Variants in CCDC77 observed in about 807,000 individuals in gnomAD.
The protein encoded by CCDC77 is coiled-coil domain-containing protein 77.
In CCDC77, 56 loss-of-function variants were observed where a neutral mutation model predicts 66.8. The ratio of observed to expected loss-of-function variants is 0.84; its 90% CI spans 0.68 to 1.05. CCDC77 has a LOEUF of 1.05. Among genes scored for constraint, CCDC77 ranks in the 50% least tolerant of loss-of-function variants. The pLI, the probability that CCDC77 is intolerant of heterozygous loss-of-function variation, is 0.00. For synonymous variants in CCDC77, 196 were observed against 195.2 expected (o/e 1.00, Z -0.03); for missense variants, 570 against 576.8 (o/e 0.99, Z 0.12).
At chr12:391,634 C>G (rs1237897738) in intron 1 of CCDC77, among the ~76,000 whole-genome samples, 1 of 152,144 alleles carries the variant, frequency 6.6e-6, no homozygotes, top group East Asian at 1.9e-4. Flanking sequence ...GCGTGAGAAC[C>G]TGATAGAACC....
chr12:440,441 GACTGGTCTAGAAGTAGATTTTC>G (rs758204028), intron 10 of CCDC77, among the ~76,000 whole-genome samples, 154 bp from the exon 11 acceptor site: 10 of 152,316 alleles, frequency 6.6e-5, no homozygotes, highest in South Asian at 4.1e-4. Flanking sequence ...GGGCTTAAGA[GACTGGTCTAGAAGTAGATTTTC>G]AGATGTTCCT....
chr12:423,114 C>T (rs77465879), intron 5 of CCDC77, among the ~76,000 whole-genome samples: 1 of 74,572 alleles, frequency 1.3e-5, no homozygotes, highest in African/African-American at 5.4e-5. Flanking sequence ...TCTTTTAAGC[C>T]TTTTTTTTTT....
intron 5 of CCDC77, among the ~76,000 whole-genome samples, chr12:426,618 A>G (rs560931101): frequency 4.4e-4 from 67 of 152,268 alleles, no homozygotes; most frequent in African/African-American, 1.6e-3. Flanking sequence ...TAGTATGTCC[A>G]TTTTAAGCAT....
At chr12:427,565 C>A (rs954602439) in intron 5 of CCDC77, among the ~76,000 whole-genome samples, 19 of 151,074 alleles carry the variant, frequency 1.3e-4, no homozygotes, top group African/African-American at 4.4e-4. Flanking sequence ...AACTCCACCT[C>A]CCGGGTTCAA....
intron 1 of CCDC77, among the ~76,000 whole-genome samples, chr12:396,095 A>C (rs1239195235): frequency 2.6e-5 from 4 of 152,178 alleles, no homozygotes; most frequent in Non-Finnish European, 5.9e-5. Flanking sequence ...TGAAATTTAA[A>C]AAAGTCAATA....
intron 5 of CCDC77, among the ~76,000 whole-genome samples, chr12:424,286 A>G (rs776456295): frequency 2.0e-5 from 3 of 152,018 alleles, no homozygotes; most frequent in Non-Finnish European, 2.9e-5. Context: ...TTCATTATAT[A>G]TTCTGGATAT....
chr12:420,274 TAC>T (rs1945373046), intron 5 of CCDC77, among the ~76,000 whole-genome samples: 2 of 8,682 alleles, frequency 2.3e-4, no homozygotes, highest in Non-Finnish European at 3.2e-4. Context: ...AGAGGGTAAA[TAC>T]ACACATAGCA....
rs772460484 is a variant in CCDC77 at position 409,434 on chromosome 12, C to T, written c.38+13C>T. The T allele has an allele frequency of 6.2e-7, 1 of 1,612,142 alleles. No individual in the cohort carries two copies. The highest frequency in any genetic ancestry group is 8.5e-7 in the Non-Finnish European group (1 of 1,178,826). ...CTGTCTGCAGAAAGTAAGACATTTG[C>T]TTATTTTCAAGTTGTTAAGAAATCG... is the stretch of plus-strand genomic sequence containing the variant. On this transcript the variant is annotated intron_variant, in intron 3 of 12. Transcript: ENST00000239830.
Position 396,048 on chromosome 12 carries a change from T to C in CCDC77, c.-113+6562T>C, listed in dbSNP as rs576980451. 2.0e-5 allele frequency among the ~76,000 whole-genome samples: 3 copies of C among 152,170 alleles called. No individual in the cohort carries two copies. The East Asian group carries it at 5.8e-4, about 29-fold the overall frequency. ...CTGAGCAACACAGCAAGACCTTGTC[T>C]CTAAAAAATAAAAAATAAAAGAAAA... On this transcript the variant is annotated intron_variant, in intron 1 of 11. Transcript: ENST00000422000.
At chr12:401,923 G>C (rs1348889946) in intron 1 of CCDC77, among the ~76,000 whole-genome samples, 1 of 152,190 alleles carries the variant, frequency 6.6e-6, no homozygotes, top group African/African-American at 2.4e-5. Flanking sequence ...ATGGGATGAA[G>C]TGGGAAAAGG....
upstream of CCDC77, among the ~76,000 whole-genome samples, chr12:398,058 A>G (rs1447148535): frequency 6.6e-6 from 1 of 152,152 alleles, no homozygotes; most frequent in Non-Finnish European, 1.5e-5. Flanking sequence ...CATGGTGCTG[A>G]TTGCTAAAGG....
rs755191934 is a variant in CCDC77 at position 430,734 on chromosome 12, C to G, written c.581C>G (p.Ala194Gly). The change falls in exon 7 of 13, where the codon GCA becomes GGA. Residue 194 changes from alanine (A) to glycine (G), a missense_variant and splice_region_variant. Transcript: ENST00000239830. The stretch of plus-strand genomic sequence containing the variant: ...CAGAGTGAATCTTCAGCTTTCAAAG[C>G]AGGTAACAACCATATAACCTATTAG... ...CEQSESSAFK[A>G]DPKISKRRPS... 2.7e-5 allele frequency: 43 copies of G among 1,608,016 alleles called. 1 individual carries two copies. The Admixed American group carries it at 7.0e-4, about 26-fold the overall frequency.
At chr12:416,058 G>A (rs1031677088) in intron 4 of CCDC77, among the ~76,000 whole-genome samples, 26 of 151,546 alleles carry the variant, frequency 1.7e-4, no homozygotes, top group South Asian at 1.5e-3. Flanking sequence ...CATCTGGCTC[G>A]GCCTCCCAAG....
chr12:436,115 C>CTTTTTTT (rs1181059309), intron 9 of CCDC77, among the ~76,000 whole-genome samples: 20 of 106,130 alleles, frequency 1.9e-4, no homozygotes, highest in East Asian at 2.9e-4. Flanking sequence ...GATCCTTTGT[C>CTTTTTTT]TTTTTTTTTT....
chr12:427,282 G>C (rs937455095), intron 5 of CCDC77, among the ~76,000 whole-genome samples: 1 of 150,334 alleles, frequency 6.7e-6, no homozygotes, highest in Non-Finnish European at 1.5e-5. Flanking sequence ...CCTGAAAAAC[G>C]AGTCAGAGAT....
rs752769353 is a variant in CCDC77 at position 431,890 on chromosome 12, C to T, written c.608C>T (p.Pro203Leu). 26 of 1,609,378 alleles carry T rather than the reference C, an allele frequency of 1.6e-5. No homozygotes were observed. Among genetic ancestry groups the T allele is most frequent in the Admixed American group, 3.4e-5 (2 of 59,370 alleles). The change falls in exon 8 of 13, where the codon CCA becomes CTA. Residue 203 changes from proline to leucine, a missense_variant. Pro to Leu is a moderately conservative substitution (Grantham distance 98). Coordinates refer to ENST00000239830, the MANE Select transcript of CCDC77 (RefSeq NM_032358.4). ...GATCCTAAAATAAGCAAAAGAAGACCATCGAGAGAGAGAAAAGAAAGTTCT... is the reference window on the plus strand; with the variant it reads ...GATCCTAAAATAAGCAAAAGAAGACTATCGAGAGAGAGAAAAGAAAGTTCT... ...KADPKISKRR[P>L]SRERKESSEH...
intron 4 of CCDC77, among the ~76,000 whole-genome samples, chr12:416,011 G>A (rs1945249508): frequency 6.6e-6 from 1 of 151,774 alleles, no homozygotes; most frequent in African/African-American, 2.4e-5. Flanking sequence ...TCACCATGTT[G>A]GCCAGGGTGG....
chr12:409,382 G>T lies in CCDC77; in HGVS notation c.-2G>T. ...GTATTTGATAGGTGTGAAAAAGACA[G>T]CATGAACTTTACCCCAACACACACC... On this transcript the variant is annotated 5_prime_UTR_variant, in exon 3 of 13. Coordinates refer to ENST00000239830, the MANE Select transcript of CCDC77 (RefSeq NM_032358.4). The T allele has an allele frequency of 6.2e-7, 1 of 1,612,800 alleles. No individual in the cohort carries two copies. The highest frequency in any genetic ancestry group is 8.5e-7 in the Non-Finnish European group (1 of 1,179,408).
intron 6 of CCDC77, among the ~76,000 whole-genome samples, chr12:429,580 T>C (rs1163547539): frequency 1.3e-5 from 2 of 151,548 alleles, no homozygotes; most frequent in Non-Finnish European, 2.9e-5. Flanking sequence ...CACCTCAGCC[T>C]CCCAAGCAGC....
Sources: allele counts gnomAD v4.1 joint callset (sites outside exome capture counted in the v4.1 genomes callset), GRCh38; gene constraint gnomAD v4.1.1; transcripts MANE v1.5; gene names NCBI Gene and HGNC (gene_info 2026-07-23, HGNC 2026-07-21).